ADARB2: variants seen among roughly 807,000 people sequenced by gnomAD.
ADARB2 encodes adenosine deaminase RNA specific B2 (inactive), also known as inactive double-stranded RNA-specific editase B2.
In ADARB2, 25 loss-of-function variants were observed where a neutral mutation model predicts 62.2. The ratio of observed to expected loss-of-function variants is 0.40; its 90% CI spans 0.29 to 0.56. The LOEUF (loss-of-function observed/expected upper bound fraction) is 0.56. Among genes scored for constraint, ADARB2 ranks in the 20% least tolerant of loss-of-function variants. The probability of loss-of-function intolerance (pLI) is 0.43; values close to 1 mark genes in which losing one functional copy is unlikely to be tolerated. For synonymous variants in ADARB2, 572 were observed against 500.8 expected (o/e 1.14, Z -1.90); for missense variants, 1,071 against 1,077.4 (o/e 0.99, Z 0.08).
At chr10:1,276,982 T>C (rs1481482984) in intron 3 of ADARB2, among the ~76,000 whole-genome samples, 1 of 152,216 alleles carries the variant, frequency 6.6e-6, no homozygotes, top group African/African-American at 2.4e-5. Flanking sequence ...ACATGGAAAC[T>C]GAACAACCTG....
At chr10:1,459,755 C>T (rs1488137615) in intron 1 of ADARB2, among the ~76,000 whole-genome samples, 3 of 151,992 alleles carry the variant, frequency 2.0e-5, no homozygotes, top group Non-Finnish European at 4.4e-5. Context: ...GATTGAAACT[C>T]TGTCTCAAAA....
intron 1 of ADARB2, among the ~76,000 whole-genome samples, chr10:1,407,011 T>C (rs1018853600): frequency 2.2e-4 from 33 of 152,174 alleles, no homozygotes; most frequent in Non-Finnish European, 1.5e-5. Context: ...GGGGGATGCG[T>C]CTCCTCCTTT....
intron 1 of ADARB2, among the ~76,000 whole-genome samples, chr10:1,428,577 A>G (rs1830741418): frequency 6.6e-6 from 1 of 151,574 alleles, no homozygotes; most frequent in Non-Finnish European, 1.5e-5. Flanking sequence ...ATGAACCACC[A>G]CGCCCAGCCT....
chr10:1,192,244 G>A (rs1288909603), intron 8 of ADARB2, among the ~76,000 whole-genome samples: 1 of 152,196 alleles, frequency 6.6e-6, no homozygotes, highest in African/African-American at 2.4e-5. Context: ...CTGTGTCACT[G>A]GGTAGCACTG....
intron 6 of ADARB2, among the ~76,000 whole-genome samples, chr10:1,220,276 GTAA>G (rs1313354606): frequency 2.5e-4 from 23 of 93,192 alleles, no homozygotes; most frequent in Middle Eastern, 5.1e-3. Context: ...GGTGATGATG[GTAA>G]TGGTGATGGT....
At chr10:1,546,625 C>T (rs1369522911) in intron 1 of ADARB2, among the ~76,000 whole-genome samples, 3 of 152,252 alleles carry the variant, frequency 2.0e-5, no homozygotes, top group African/African-American at 7.2e-5. Flanking sequence ...CACCCTGTAC[C>T]AGGCATCTCT....
chr10:1,381,872 G>A (rs1031073113), intron 1 of ADARB2, among the ~76,000 whole-genome samples: 5 of 152,162 alleles, frequency 3.3e-5, no homozygotes, highest in African/African-American at 1.2e-4. Flanking sequence ...GGAGGTGTTG[G>A]TCTAGGGTAC....
At chr10:1,661,162 TTTTCCAAAATAAACCTGTC>T (rs1398943469) in intron 1 of ADARB2, among the ~76,000 whole-genome samples, 13 of 152,308 alleles carry the variant, frequency 8.5e-5, no homozygotes, top group African/African-American at 2.9e-4. Flanking sequence ...CTCAGGTTTA[TTTTCCAAAATAAACCTGTC>T]TTTGACTGTG....
At chr10:1,276,127 T>G (rs543687589) in intron 3 of ADARB2, among the ~76,000 whole-genome samples, 95 of 152,204 alleles carry the variant, frequency 6.2e-4, no homozygotes, top group African/African-American at 1.8e-3. Flanking sequence ...CCACCAACAG[T>G]GTAAAAGTGT....
intron 1 of ADARB2, among the ~76,000 whole-genome samples, chr10:1,422,283 G>A (rs1407346242): frequency 6.6e-6 from 1 of 152,206 alleles, no homozygotes; most frequent in African/African-American, 2.4e-5. Context: ...CTTAATATAA[G>A]GTCAGGAGTT....
At chr10:1,277,046 C>T (rs1339615198) in intron 3 of ADARB2, among the ~76,000 whole-genome samples, 3 of 152,184 alleles carry the variant, frequency 2.0e-5, no homozygotes, top group African/African-American at 7.2e-5. Flanking sequence ...TAAAGATGTT[C>T]TTTGAAACCA....
intron 3 of ADARB2, among the ~76,000 whole-genome samples, chr10:1,350,700 C>T (rs1832128000): frequency 6.6e-6 from 1 of 152,184 alleles, no homozygotes; most frequent in African/African-American, 2.4e-5. Flanking sequence ...AGATGCTTTA[C>T]AGCCCTAGAC....
At chr10:1,188,499 C>G (rs1313599127) in intron 8 of ADARB2, among the ~76,000 whole-genome samples, 2 of 152,136 alleles carry the variant, frequency 1.3e-5, no homozygotes, top group East Asian at 3.9e-4. Flanking sequence ...TGTGCTTACG[C>G]TTTGAGCTTC....
At chr10:1,220,464 C>T (rs1037480250) in intron 6 of ADARB2, among the ~76,000 whole-genome samples, 7 of 151,670 alleles carry the variant, frequency 4.6e-5, no homozygotes, top group South Asian at 2.1e-4. Context: ...TAAAATAGTT[C>T]GTATGACTCA....
At chr10:1,529,635 T>C (rs997032634) in intron 1 of ADARB2, among the ~76,000 whole-genome samples, 3 of 152,176 alleles carry the variant, frequency 2.0e-5, no homozygotes, top group African/African-American at 4.8e-5. Flanking sequence ...ATCTCCCCCA[T>C]TTAAAAAATA....
At position 1,495,992 on chromosome 10, in the gene ADARB2, G is replaced by A. The variant is rs559048666; in HGVS notation, c.101-116832C>T. On this transcript the variant is annotated intron_variant, in intron 1 of 9. Transcript: ENST00000381312. Reference sequence around the variant, plus strand: ...CATTGCCATGATTATCATTTCTATTGTCATCATCATAGTCATCATCATCAC... The same window carrying A: ...CATTGCCATGATTATCATTTCTATTATCATCATCATAGTCATCATCATCAC... 4.0e-5 allele frequency among the ~76,000 whole-genome samples: 6 copies of A among 148,684 alleles called. No individual in the cohort carries two copies. The East Asian group carries it at 1.0e-3, about 26-fold the overall frequency.
intron 1 of ADARB2, among the ~76,000 whole-genome samples, chr10:1,663,209 G>A (rs1023173305): frequency 1.1e-4 from 17 of 152,296 alleles, no homozygotes; most frequent in African/African-American, 3.6e-4. Flanking sequence ...CATACATGCC[G>A]CCTCCTTGTA....
In ADARB2 at chr10:1,477,381, C is replaced by T. The variant is rs566603526; in HGVS notation, c.101-98221G>A. On this transcript the variant is annotated intron_variant, in intron 1 of 9. Coordinates refer to ENST00000381312, the MANE Select transcript of ADARB2 (RefSeq NM_018702.4). The surrounding 1 kb of genome is among the most constrained non-coding windows in gnomAD (Gnocchi z 4.5). ...CCACAAGTAGCCCCAGCAGCATGAC[C>T]TTATCTGCCCATGGCCCCCTCCAGC... 1.3e-5 allele frequency among the ~76,000 whole-genome samples: 2 copies of T among 152,312 alleles called. No individual in the cohort carries two copies. Among genetic ancestry groups the T allele is most frequent in the South Asian group, 2.1e-4 (1 of 4,818 alleles).
chr10:1,459,550 G>A (rs987212526), intron 1 of ADARB2, among the ~76,000 whole-genome samples: 1 of 152,202 alleles, frequency 6.6e-6, no homozygotes, highest in Non-Finnish European at 1.5e-5. Flanking sequence ...GATCACCTGA[G>A]GTCAGGAGTT....
Sources: allele counts gnomAD v4.1 joint callset (sites outside exome capture counted in the v4.1 genomes callset), GRCh38; gene constraint gnomAD v4.1.1; non-coding constraint Gnocchi (gnomAD v3.1); transcripts MANE v1.5; gene names NCBI Gene and HGNC (gene_info 2026-07-23, HGNC 2026-07-21).